The following ADARB2 variants were observed in gnomAD, a reference collection of about 807,000 sequenced individuals.
The protein encoded by ADARB2 is adenosine deaminase RNA specific B2 (inactive), also known as inactive double-stranded RNA-specific editase B2.
Under a neutral mutation model 62.2 loss-of-function variants are expected in ADARB2, and 25 were observed. The observed-to-expected ratio is 0.40, with a 90% confidence interval of 0.29 to 0.56. The LOEUF is 0.56. Ranked by LOEUF, ADARB2 falls within the 20% of genes least tolerant of loss-of-function variation. The probability of loss-of-function intolerance (pLI) is 0.43; values close to 1 mark genes in which losing one functional copy is unlikely to be tolerated. For missense variants in ADARB2, 1,071 were observed against 1,077.4 expected (o/e 0.99, Z 0.08); for synonymous variants, 572 against 500.8 (o/e 1.14, Z -1.90).
intron 6 of ADARB2, among the ~76,000 whole-genome samples, chr10:1,218,232 G>C (rs931256672): frequency 1.5e-4 from 23 of 151,982 alleles, no homozygotes; most frequent in African/African-American, 5.3e-4. Context: ...TGTATTTTCA[G>C]TAGAGATGGG....
At chr10:1,241,156 G>T (rs1405952870) in intron 5 of ADARB2, among the ~76,000 whole-genome samples, 1 of 152,210 alleles carries the variant, frequency 6.6e-6, no homozygotes, top group Non-Finnish European at 1.5e-5. Context: ...CTACTCAGGA[G>T]GTTGAGGTGG....
intron 8 of ADARB2, 75 bp from the exon 9 acceptor site, chr10:1,185,114 G>A: frequency 2.6e-6 from 4 of 1,512,846 alleles, no homozygotes; most frequent in Non-Finnish European, 2.7e-6. Context: ...GCAGCTGCGG[G>A]GAAATGGAGC....
chr10:1,567,473 G>A (rs1832873688), intron 1 of ADARB2, among the ~76,000 whole-genome samples: 1 of 152,174 alleles, frequency 6.6e-6, no homozygotes, highest in Non-Finnish European at 1.5e-5. Context: ...TCCCAGGCCA[G>A]GGGACCCTCA....
At chr10:1,495,598 TTTAGAGGAGCCTTAGAAA>T (rs1831677834) in intron 1 of ADARB2, among the ~76,000 whole-genome samples, 6 of 71,558 alleles carry the variant, frequency 8.4e-5, no homozygotes, top group Non-Finnish European at 1.1e-4. Flanking sequence ...GGTGGTAAGC[TTTAGAGGAGCCTTAGAAA>T]TATTCCATTC....
At chr10:1,224,395 T>C (rs1051819144) in intron 6 of ADARB2, among the ~76,000 whole-genome samples, 1 of 152,216 alleles carries the variant, frequency 6.6e-6, no homozygotes, top group African/African-American at 2.4e-5. Flanking sequence ...TTCATTAATT[T>C]TTTGAAGGGT....
chr10:1,706,936 A>AGTAGGGTTTCATTGGGCAGGAAGT (rs1564200517), intron 1 of ADARB2, among the ~76,000 whole-genome samples: 2 of 152,158 alleles, frequency 1.3e-5, no homozygotes, highest in African/African-American at 4.8e-5. Flanking sequence ...TTGGGCAGGA[A>AGTAGGGTTTCATTGGGCAGGAAGT]GTGGGATTTT....
chr10:1,298,808 T>C (rs2387641), intron 3 of ADARB2, among the ~76,000 whole-genome samples: 64,834 of 140,844 alleles, frequency 0.46, 16,136 homozygotes, highest in South Asian at 0.72. Context: ...GGCACACTCT[T>C]GGCTCACTGC....
intron 1 of ADARB2, among the ~76,000 whole-genome samples, chr10:1,598,514 G>A (rs966381301): frequency 1.3e-5 from 2 of 152,238 alleles, no homozygotes; most frequent in East Asian, 1.9e-4. Flanking sequence ...ACAAATATCC[G>A]TGGAGAAACG....
At chr10:1,696,303 T>G (rs1393541091) in intron 1 of ADARB2, among the ~76,000 whole-genome samples, 1 of 152,146 alleles carries the variant, frequency 6.6e-6, no homozygotes, top group African/African-American at 2.4e-5. Context: ...GTGCTTTGCG[T>G]TTATATGTGT....
intron 1 of ADARB2, among the ~76,000 whole-genome samples, chr10:1,722,941 A>G (rs1452167336): frequency 2.6e-5 from 4 of 152,134 alleles, no homozygotes; most frequent in African/African-American, 9.7e-5. Flanking sequence ...ACATGTGTAC[A>G]CACACACATA....
intron 3 of ADARB2, among the ~76,000 whole-genome samples, chr10:1,277,537 T>G (rs1831329271): frequency 6.6e-6 from 1 of 152,004 alleles, no homozygotes; most frequent in Admixed American, 6.6e-5. Flanking sequence ...ACATACACCC[T>G]CCCAAGACTA....
chr10:1,189,864 G>A (rs1178604089), intron 8 of ADARB2, among the ~76,000 whole-genome samples: 50 of 103,320 alleles, frequency 4.8e-4, no homozygotes, highest in Admixed American at 9.5e-5. Context: ...AACACGTGGC[G>A]CTACCTCCTT....
chr10:1,510,635 C>G (rs190786424), intron 1 of ADARB2, among the ~76,000 whole-genome samples: 1 of 152,142 alleles, frequency 6.6e-6, no homozygotes, highest in Non-Finnish European at 1.5e-5. Context: ...TATCTGGAGA[C>G]CTTGGAGATG....
chr10:1,231,502 C>T (rs1259755797), intron 6 of ADARB2, among the ~76,000 whole-genome samples: 3 of 152,014 alleles, frequency 2.0e-5, no homozygotes, highest in Non-Finnish European at 4.4e-5. Context: ...TGGGGGGTGC[C>T]CTGTGTGATC....
intron 1 of ADARB2, among the ~76,000 whole-genome samples, chr10:1,521,794 C>T (rs1445732983): frequency 6.6e-6 from 1 of 151,020 alleles, no homozygotes; most frequent in Non-Finnish European, 1.5e-5. Flanking sequence ...CCACTACCCC[C>T]AACCCCTTCC....
At chr10:1,428,523 G>A (rs1830739395) in intron 1 of ADARB2, among the ~76,000 whole-genome samples, 2 of 151,824 alleles carry the variant, frequency 1.3e-5, no homozygotes, top group Non-Finnish European at 2.9e-5. Context: ...TCCTGACCTC[G>A]TGATCCGCCC....
At chr10:1,187,396 G>T (rs554128456) in intron 8 of ADARB2, among the ~76,000 whole-genome samples, 3 of 150,456 alleles carry the variant, frequency 2.0e-5, no homozygotes, top group African/African-American at 4.9e-5. Flanking sequence ...CGCTCCCATC[G>T]CCAGGCGGCC....
chr10:1,547,065 C>T (rs1353735583), intron 1 of ADARB2, among the ~76,000 whole-genome samples: 1 of 152,238 alleles, frequency 6.6e-6, no homozygotes, highest in Non-Finnish European at 1.5e-5. Flanking sequence ...GGTGGGAGGC[C>T]TTGGCTACAC....
intron 1 of ADARB2, among the ~76,000 whole-genome samples, chr10:1,578,676 CAG>C (rs67507846): frequency 2.0e-5 from 3 of 151,908 alleles, no homozygotes; most frequent in Admixed American, 6.6e-5. Context: ...CACACACACA[CAG>C]AGAGAAGTGT....
Sources: gnomAD v4.1 joint callset for allele counts (sites outside exome capture counted in the v4.1 genomes callset) on GRCh38, gnomAD v4.1.1 for gene constraint, MANE v1.5 for transcripts, NCBI Gene and HGNC (gene_info 2026-07-23, HGNC 2026-07-21) for gene names.